The following ATP13A3 variants were observed in gnomAD, a reference collection of about 807,000 sequenced individuals.
ATP13A3 encodes ATPase 13A3.
Under a neutral mutation model 158.1 loss-of-function variants are expected in ATP13A3, and 59 were observed. The ratio of observed to expected loss-of-function variants is 0.37; its 90% CI spans 0.30 to 0.46. The LOEUF (loss-of-function observed/expected upper bound fraction) is 0.46. ATP13A3 is among the 20% of genes least tolerant of loss of function. The pLI is 1.00. For missense variants in ATP13A3, 1,166 were observed against 1,525.2 expected (o/e 0.76, Z 3.92); for synonymous variants, 491 against 504.3 (o/e 0.97, Z 0.35).
chr3:194,443,411 T>C (rs182743962), intron 15 of ATP13A3, among the ~76,000 whole-genome samples: 8 of 152,138 alleles, frequency 5.3e-5, no homozygotes, highest in Non-Finnish European at 1.5e-5. Context: ...TGTATGTAAA[T>C]TGGGGGAGCA....
chr3:194,454,566 C>A (rs931735685), intron 8 of ATP13A3, among the ~76,000 whole-genome samples, 174 bp from the exon 9 acceptor site: 56 of 152,160 alleles, frequency 3.7e-4, no homozygotes, highest in Non-Finnish European at 1.0e-4. Flanking sequence ...CGGTGGCTCA[C>A]GCCTGTAATC....
chr3:194,436,944 T>C, intron 20 of ATP13A3, 151 bp downstream of exon 20: 1 of 1,072,174 alleles, frequency 9.3e-7, no homozygotes, highest in Non-Finnish European at 1.3e-6. Flanking sequence ...GTGGGGAAAA[T>C]GTACTTTTAC....
Position 194,417,517 on chromosome 3 carries a change from G to A in ATP13A3, c.3402+2362C>T, listed in dbSNP as rs1033621138. 2.0e-5 allele frequency among the ~76,000 whole-genome samples: 3 copies of A among 151,922 alleles called. No homozygotes were observed. The East Asian group carries it at 5.8e-4, about 29-fold the overall frequency. On this transcript the variant is annotated intron_variant, in intron 31 of 33. Transcript: ENST00000645319. ...GAACAACAATGTGAGAGGGGGGTAG[G>A]AGTCCTACCCAAGCATGTATCAAGG...
chr3:194,417,947 A>G lies in ATP13A3; in HGVS notation c.3402+1932T>C, dbSNP rs550312551. ...CTGCACTGCAGCGTGGGTGACAGACAGACGGACGGACGGAAGGAAGGAAGG... is the reference window on the plus strand; with the variant it reads ...CTGCACTGCAGCGTGGGTGACAGACGGACGGACGGACGGAAGGAAGGAAGG... On this transcript the variant is annotated intron_variant, in intron 31 of 33. Coordinates refer to ENST00000645319, the MANE Select transcript of ATP13A3 (RefSeq NM_001367549.1). Among the ~76,000 whole-genome samples the G allele has an allele frequency of 2.5e-4, 31 of 121,776 alleles. 2 individuals carry two copies. Among genetic ancestry groups the G allele is most frequent in the Middle Eastern group, 7.9e-3 (2 of 252 alleles). The allele number at this position is 121,776 out of a possible 152,430, so 79.9% of individuals were successfully genotyped here. A position where few individuals can be genotyped will look rare whatever the true frequency, so the allele number is the denominator to read the frequency against.
chr3:194,422,514 T>C (rs952901035), intron 30 of ATP13A3, among the ~76,000 whole-genome samples: 1 of 152,202 alleles, frequency 6.6e-6, no homozygotes, highest in Non-Finnish European at 1.5e-5. Flanking sequence ...CAAATTATTT[T>C]ATCTATAAAA....
intron 31 of ATP13A3, among the ~76,000 whole-genome samples, chr3:194,418,779 G>GAA (rs1312896340): frequency 6.6e-6 from 1 of 152,204 alleles, no homozygotes; most frequent in Non-Finnish European, 1.5e-5. Context: ...TACAGCAGAG[G>GAA]AAACTTTTGT....
At chr3:194,459,752 G>A in intron 5 of ATP13A3, 37 bp downstream of exon 5, 1 of 1,567,322 alleles carries the variant, frequency 6.4e-7, no homozygotes, top group East Asian at 2.3e-5. Context: ...TAACAATTCT[G>A]ATTTTTAAAG....
At chr3:194,483,349 G>A (rs957580454) in intron 2 of ATP13A3, among the ~76,000 whole-genome samples, 1 of 151,290 alleles carries the variant, frequency 6.6e-6, no homozygotes. Context: ...TAACACTTTG[G>A]GAGGCCAAGG....
intron 29 of ATP13A3, 143 bp from the exon 30 acceptor site, chr3:194,425,672 T>C (rs1716715891): frequency 1.6e-6 from 1 of 624,454 alleles, no homozygotes; most frequent in East Asian, 3.0e-5. Context: ...ACAATATCAA[T>C]ATAAGATATA....
chr3:194,421,910 T>C (rs968996812), intron 30 of ATP13A3, among the ~76,000 whole-genome samples: 6 of 145,518 alleles, frequency 4.1e-5, no homozygotes, highest in African/African-American at 1.6e-4. Flanking sequence ...CAAAAACAGA[T>C]TTGCGACCTG....
rs560984358 is a variant in ATP13A3, at chr3:194,435,869, T to C, written c.2120+1226A>G. Among the ~76,000 whole-genome samples, 32 of 152,104 alleles carry C rather than the reference T, an allele frequency of 2.1e-4. No homozygotes were observed. In the East Asian group the frequency reaches 3.1e-3, roughly 15 times the overall value. ...CTATGGTGAACTGACATCGTGCCAC[T>C]GCACTCCAGCCTGGGCAACAGAGCG... On this transcript the variant is annotated intron_variant, in intron 20 of 33. Transcript: ENST00000645319.
chr3:194,419,655 TATTTA>T (rs1214097768), intron 31 of ATP13A3: 2 of 485,950 alleles, frequency 4.1e-6, no homozygotes, highest in Non-Finnish European at 2.7e-6. Flanking sequence ...GACCAAGGGC[TATTTA>T]ATTTGTTTGC....
At chr3:194,454,530 C>T in intron 8 of ATP13A3, 138 bp from the exon 9 acceptor site, 1 of 1,020,416 alleles carries the variant, frequency 9.8e-7, no homozygotes. Context: ...AAATGTACTT[C>T]CCTAAAAAGT....
At chr3:194,415,661 C>CTTTTTTTTTTTTTTTTTTTTTTT (rs751005733) in intron 31 of ATP13A3, among the ~76,000 whole-genome samples, 7 of 90,928 alleles carry the variant, frequency 7.7e-5, no homozygotes, top group Admixed American at 1.2e-4. Context: ...ATACCACATT[C>CTTTTTTTTTTTTTTTTTTTTTTT]TTTTTTTTTT....
intron 5 of ATP13A3, 38 bp from the exon 6 acceptor site, chr3:194,459,579 T>C (rs1335907478): frequency 6.6e-7 from 1 of 1,504,260 alleles, no homozygotes; most frequent in East Asian, 2.3e-5. Flanking sequence ...AAAAAGCATA[T>C]AATCACTTGT....
rs56119734 is a variant in ATP13A3 at position 194,417,396 on chromosome 3, GACACACACACAC to G, written c.3402+2471_3402+2482del. On this transcript the variant is annotated intron_variant, in intron 31 of 33. Coordinates refer to ENST00000645319, the MANE Select transcript of ATP13A3 (RefSeq NM_001367549.1). ...AGCCTGGGTACCAGAGCCAGATTCT[GACACACACACAC>G]ACACACACACACACACACACACACA... Among the ~76,000 whole-genome samples the G allele has an allele frequency of 7.7e-3, 905 of 118,138 alleles. 10 individuals are homozygous for G. Among genetic ancestry groups the G allele is most frequent in the African/African-American group, 0.026 (803 of 30,902 alleles). The allele number at this position is 118,138 out of a possible 152,430, so 77.5% of individuals were successfully genotyped here. A position where few individuals can be genotyped will look rare whatever the true frequency, so the allele number is the denominator to read the frequency against.
At chr3:194,484,256 C>G (rs895003395) in intron 2 of ATP13A3, among the ~76,000 whole-genome samples, 1 of 151,500 alleles carries the variant, frequency 6.6e-6, no homozygotes, top group Non-Finnish European at 1.5e-5. Flanking sequence ...TTTTTTTTAA[C>G]AAAGAAGAAT....
intron 14 of ATP13A3, 104 bp from the exon 15 acceptor site, chr3:194,444,890 A>G: frequency 1.2e-6 from 1 of 807,404 alleles, no homozygotes; most frequent in Non-Finnish European, 2.0e-6. Flanking sequence ...AAACTATGCT[A>G]CATATAACAT....
At chr3:194,431,915 T>G (rs1448024984) in intron 21 of ATP13A3, 23 bp from the exon 22 acceptor site, 1 of 1,526,978 alleles carries the variant, frequency 6.5e-7, no homozygotes, top group African/African-American at 1.4e-5. Flanking sequence ...ATATTTTAAA[T>G]GTATTGAAAT....
Sources: allele counts gnomAD v4.1 joint callset (sites outside exome capture counted in the v4.1 genomes callset), GRCh38; gene constraint gnomAD v4.1.1; transcripts MANE v1.5; gene names NCBI Gene and HGNC (gene_info 2026-07-23, HGNC 2026-07-21).